TIAM2: variants seen among roughly 807,000 people sequenced by gnomAD.
TIAM2 encodes the protein TIAM Rac1 associated GEF 2.
TIAM2 carries 80 observed loss-of-function variants against 152.9 expected under a neutral mutation model. The ratio of observed to expected loss-of-function variants is 0.52; its 90% CI spans 0.44 to 0.63. TIAM2 has a LOEUF of 0.63. TIAM2 is among the 30% of genes least tolerant of loss of function. The pLI is 0.00. For missense variants in TIAM2, 1,965 were observed against 2,120.1 expected, an observed-to-expected ratio of 0.93 and a Z score of 1.44; for synonymous variants, 804 against 838.0, an observed-to-expected ratio of 0.96 and a Z score of 0.70.
chr6:155,054,984 G>T (rs1035856992), intron 1 of TIAM2, among the ~76,000 whole-genome samples: 2 of 152,124 alleles, frequency 1.3e-5, no homozygotes. Context: ...ATTTTTCCTA[G>T]TTTTTGTGTG....
intron 2 of TIAM2, among the ~76,000 whole-genome samples, chr6:155,100,144 G>A (rs916945862): frequency 6.6e-6 from 1 of 152,196 alleles, no homozygotes; most frequent in African/African-American, 2.4e-5. Context: ...GAGATATGCT[G>A]TCTTTTGACT....
chr6:155,016,880 A>G (rs1778599122), intron 1 of TIAM2, among the ~76,000 whole-genome samples: 2 of 152,240 alleles, frequency 1.3e-5, no homozygotes, highest in Admixed American at 1.3e-4. Context: ...AGCCTGGGTG[A>G]TAGAGCGAGA....
intron 5 of TIAM2, among the ~76,000 whole-genome samples, chr6:155,144,382 ATTG>A (rs1779778145): frequency 6.6e-6 from 1 of 152,222 alleles, no homozygotes; most frequent in African/African-American, 2.4e-5. Flanking sequence ...ATTATTTGGT[ATTG>A]TTATTACTGA....
At chr6:155,163,691 C>T (rs1217330522) in intron 7 of TIAM2, among the ~76,000 whole-genome samples, 2 of 152,170 alleles carry the variant, frequency 1.3e-5, no homozygotes, top group African/African-American at 4.8e-5. Flanking sequence ...AACATAAAGT[C>T]ATTGCTTTTA....
intron 1 of TIAM2, among the ~76,000 whole-genome samples, chr6:155,062,790 G>T (rs900550579): frequency 1.3e-5 from 2 of 151,878 alleles, no homozygotes; most frequent in Non-Finnish European, 2.9e-5. Context: ...GGTCAGGCTG[G>T]TCTTGAACTC....
chr6:155,074,296 G>A (rs6921108), intron 1 of TIAM2, among the ~76,000 whole-genome samples: 13,763 of 151,320 alleles, frequency 0.091, 692 homozygotes, highest in South Asian at 0.2. Flanking sequence ...TCTGTGTAAG[G>A]TTTAAGAATA....
intron 1 of TIAM2, among the ~76,000 whole-genome samples, chr6:155,016,681 T>C (rs1778593999): frequency 6.6e-6 from 1 of 151,836 alleles, no homozygotes; most frequent in South Asian, 2.1e-4. Context: ...GGTGGATTGC[T>C]TGAGGTCAGG....
At chr6:155,198,082 TGTA>T (rs1781389617) in intron 14 of TIAM2, among the ~76,000 whole-genome samples, 1 of 152,200 alleles carries the variant, frequency 6.6e-6, no homozygotes, top group Admixed American at 6.5e-5. Context: ...CTTTTACAAT[TGTA>T]GTCTGTGAGA....
chr6:155,116,844 C>T (rs9383743), intron 2 of TIAM2, among the ~76,000 whole-genome samples: 25,656 of 152,048 alleles, frequency 0.17, 2,742 homozygotes, highest in South Asian at 0.42. Flanking sequence ...GTCACACTCA[C>T]AATTTTGAAT....
intron 2 of TIAM2, among the ~76,000 whole-genome samples, chr6:155,099,314 A>G (rs1778500429): frequency 6.6e-6 from 1 of 151,834 alleles, no homozygotes; most frequent in African/African-American, 2.4e-5. Flanking sequence ...TTATTTGTGC[A>G]TTTAATGCCT....
At chr6:155,102,767 T>TTTTG (rs1778579666) in intron 2 of TIAM2, among the ~76,000 whole-genome samples, 1 of 145,652 alleles carries the variant, frequency 6.9e-6, no homozygotes, top group African/African-American at 2.5e-5. Context: ...GATTAATTTA[T>TTTTG]TGTGTGTGTG....
chr6:155,247,187 C>A (rs529553302), intron 19 of TIAM2, among the ~76,000 whole-genome samples: 3 of 152,332 alleles, frequency 2.0e-5, no homozygotes, highest in South Asian at 2.1e-4. Context: ...AAAGACACTG[C>A]TTTCCAGATA....
intron 1 of TIAM2, among the ~76,000 whole-genome samples, chr6:155,046,065 C>G (rs1777168043): frequency 6.6e-6 from 1 of 151,726 alleles, no homozygotes; most frequent in African/African-American, 2.4e-5. Context: ...ACACCATTGC[C>G]TTTAACTCCG....
chr6:155,179,274 G>T, intron 11 of TIAM2, 104 bp from the exon 12 acceptor site: 2 of 1,428,858 alleles, frequency 1.4e-6, no homozygotes, highest in Non-Finnish European at 2.0e-6. Context: ...CTATATAAAC[G>T]GTATCTTAAC....
intron 6 of TIAM2, among the ~76,000 whole-genome samples, chr6:155,147,572 G>A (rs996758905): frequency 1.6e-4 from 24 of 152,232 alleles, no homozygotes; most frequent in African/African-American, 4.6e-4. Context: ...TGCAACCTCC[G>A]CCTCCCAGGT....
intron 15 of TIAM2, among the ~76,000 whole-genome samples, chr6:155,220,362 T>G (rs941587746): frequency 1.3e-5 from 2 of 152,174 alleles, no homozygotes; most frequent in Non-Finnish European, 2.9e-5. Flanking sequence ...TACACGTATG[T>G]CTAGGAGCAG....
intron 14 of TIAM2, among the ~76,000 whole-genome samples, chr6:155,188,647 T>C (rs1239409002): frequency 6.6e-6 from 1 of 152,228 alleles, no homozygotes; most frequent in Non-Finnish European, 1.5e-5. Flanking sequence ...CTGTTTATAC[T>C]GGGATCCTGT....
At chr6:155,045,719 G>A (rs962846587) in intron 1 of TIAM2, among the ~76,000 whole-genome samples, 1 of 152,088 alleles carries the variant, frequency 6.6e-6, no homozygotes, top group African/African-American at 2.4e-5. Flanking sequence ...GTTGAAGACA[G>A]CGGGTGGTGC....
In TIAM2 at chr6:155,183,894, C is replaced by G. The variant is rs369125539; in HGVS notation, c.3064+394C>G. The stretch of plus-strand genomic sequence containing the variant: ...AACCATTTTGCAGTCTTCTGTTGGG[C>G]TCTTAGAACAGCCCGTGCATTTCAG... On this transcript the variant is annotated intron_variant, in intron 14 of 26. Coordinates refer to ENST00000682666, the MANE Select transcript of TIAM2 (RefSeq NM_012454.4). 1.1e-4 allele frequency among the ~76,000 whole-genome samples: 16 copies of G among 152,262 alleles called. 1 individual carries two copies. The East Asian group carries it at 2.9e-3, about 28-fold the overall frequency.
Sources: allele counts gnomAD v4.1 joint callset (sites outside exome capture counted in the v4.1 genomes callset), GRCh38; gene constraint gnomAD v4.1.1; transcripts MANE v1.5; gene names NCBI Gene and HGNC (gene_info 2026-07-23, HGNC 2026-07-21).